COG5: variants seen among roughly 807,000 people sequenced by gnomAD.
COG5 encodes component of oligomeric golgi complex 5.
In COG5, 86 loss-of-function variants were observed where a neutral mutation model predicts 110.4. The ratio of observed to expected loss-of-function variants is 0.78; its 90% CI spans 0.65 to 0.93. COG5 has a LOEUF of 0.93. Among genes scored for constraint, COG5 ranks in the 40% least tolerant of loss-of-function variants. The pLI is 0.00. For synonymous variants in COG5, 360 were observed against 334.6 expected (o/e 1.08, Z -0.83); for missense variants, 1,077 against 987.0 (o/e 1.09, Z -1.22).
At chr7:107,316,632 T>C (rs906423812) in intron 11 of COG5, among the ~76,000 whole-genome samples, 2 of 122,824 alleles carry the variant, frequency 1.6e-5, no homozygotes, top group South Asian at 2.4e-4. Context: ...GCTAACACAG[T>C]GAAACTCAGT....
intron 13 of COG5, among the ~76,000 whole-genome samples, chr7:107,281,747 G>A (rs1220949513): frequency 6.6e-6 from 1 of 152,102 alleles, no homozygotes; most frequent in Non-Finnish European, 1.5e-5. Context: ...ACATCTGCAA[G>A]GAAATGACAG....
At chr7:107,407,541 T>G (rs1285276448) in intron 7 of COG5, among the ~76,000 whole-genome samples, 1 of 150,820 alleles carries the variant, frequency 6.6e-6, no homozygotes, top group Non-Finnish European at 1.5e-5. Context: ...AGTGAGTACA[T>G]CAAAACATAT....
At chr7:107,393,194 G>A (rs1790751090) in intron 7 of COG5, among the ~76,000 whole-genome samples, 1 of 152,138 alleles carries the variant, frequency 6.6e-6, no homozygotes, top group South Asian at 2.1e-4. Context: ...TCAATTCACT[G>A]CTCATCTTGG....
chr7:107,202,552 T>C lies in COG5; in HGVS notation c.*964A>G, dbSNP rs976709928. The C allele has an allele frequency of 1.3e-5, 2 of 152,590 alleles. No homozygotes were observed. Among genetic ancestry groups the C allele is most frequent in the African/African-American group, 4.8e-5 (2 of 41,438 alleles). The allele number at this position is 152,590 out of a possible 1,614,324, so 9.5% of individuals were successfully genotyped here. On this transcript the variant is annotated 3_prime_UTR_variant, in exon 22 of 22. Coordinates refer to ENST00000297135, the MANE Select transcript of COG5 (RefSeq NM_006348.5). ...TGACGTCTACTGATTGATTGATTGA[T>C]TGATTAATCTTGGCTGAATTTTATT...
chr7:107,509,858 T>C (rs968882884), intron 6 of COG5, among the ~76,000 whole-genome samples: 11 of 127,710 alleles, frequency 8.6e-5, no homozygotes, highest in East Asian at 5.7e-4. Flanking sequence ...CTGAGAGATT[T>C]TGTCACCACC....
chr7:107,219,560 G>A (rs776028486), intron 19 of COG5, among the ~76,000 whole-genome samples: 6 of 152,106 alleles, frequency 3.9e-5, no homozygotes, highest in African/African-American at 1.4e-4. Flanking sequence ...AGGACATTAC[G>A]TTAAGCTAAA....
chr7:107,453,014 A>G (rs949532666), intron 6 of COG5, among the ~76,000 whole-genome samples: 1 of 152,192 alleles, frequency 6.6e-6, no homozygotes, highest in African/African-American at 2.4e-5. Flanking sequence ...CACTTACTGT[A>G]TACTATCATA....
intron 15 of COG5, among the ~76,000 whole-genome samples, chr7:107,257,136 C>T (rs1046800259): frequency 5.3e-5 from 8 of 152,050 alleles, no homozygotes; most frequent in African/African-American, 1.9e-4. Flanking sequence ...TGTCTTTAGG[C>T]TGACTCTGAT....
At chr7:107,370,969 T>C (rs1814106069) in intron 8 of COG5, among the ~76,000 whole-genome samples, 2 of 151,934 alleles carry the variant, frequency 1.3e-5, no homozygotes, top group African/African-American at 4.8e-5. Context: ...TACATTAGGA[T>C]TGACAGCACA....
intron 7 of COG5, among the ~76,000 whole-genome samples, chr7:107,407,540 A>G (rs1451272082): frequency 6.6e-6 from 1 of 152,072 alleles, no homozygotes; most frequent in East Asian, 1.9e-4. Flanking sequence ...CAGTGAGTAC[A>G]TCAAAACATA....
intron 6 of COG5, among the ~76,000 whole-genome samples, chr7:107,510,300 A>T (rs1799399950): frequency 6.6e-6 from 1 of 152,290 alleles, no homozygotes; most frequent in Non-Finnish European, 1.5e-5. Flanking sequence ...AGAGACAAAG[A>T]AGGCCATTAC....
In COG5 at chr7:107,391,802, C is replaced by A. The variant is rs184402325; in HGVS notation, c.670-19042G>T. ...CATCCCTGAAAGTCAAATTAATAAA[C>A]CTTATTGGTCAGGTGCGTGTGGCTC... is the stretch of plus-strand genomic sequence containing the variant. On this transcript the variant is annotated intron_variant, in intron 7 of 21. Coordinates refer to ENST00000297135, the MANE Select transcript of COG5 (RefSeq NM_006348.5). 4.4e-3 allele frequency among the ~76,000 whole-genome samples: 669 copies of A among 152,178 alleles called. 3 individuals are homozygous for A. Among genetic ancestry groups the A allele is most frequent in the African/African-American group, 0.015 (639 of 41,530 alleles).
chr7:107,214,837 G>A lies in COG5; in HGVS notation c.2169-3612C>T, dbSNP rs181076879. 1.5e-4 allele frequency among the ~76,000 whole-genome samples: 22 copies of A among 151,468 alleles called. No individual in the cohort carries two copies. The South Asian group carries it at 1.5e-3, about 10-fold the overall frequency. ...CTTAGGAGGCTGAATCATGAGAATC[G>A]CTTGAACGGGGAGGTGGTGGTTGTA... On this transcript the variant is annotated intron_variant, in intron 19 of 21. Transcript: ENST00000297135.
intron 12 of COG5, among the ~76,000 whole-genome samples, chr7:107,293,191 C>T (rs562039512): frequency 1.3e-5 from 2 of 152,204 alleles, no homozygotes; most frequent in South Asian, 4.2e-4. Flanking sequence ...TAATTAGGGC[C>T]CCAGTACTTT....
At chr7:107,469,119 CTT>C (rs1796481345) in intron 6 of COG5, among the ~76,000 whole-genome samples, 1 of 150,394 alleles carries the variant, frequency 6.6e-6, no homozygotes, top group South Asian at 2.1e-4. Flanking sequence ...ATGTATCTAT[CTT>C]ATAATGATTT....
chr7:107,326,939 G>C (rs1420494875), intron 10 of COG5, among the ~76,000 whole-genome samples: 1 of 152,134 alleles, frequency 6.6e-6, no homozygotes, highest in Non-Finnish European at 1.5e-5. Flanking sequence ...CTACTTGGAG[G>C]ATGAGGTGGG....
intron 7 of COG5, among the ~76,000 whole-genome samples, chr7:107,406,965 T>G (rs1791896063): frequency 6.6e-6 from 1 of 152,340 alleles, no homozygotes; most frequent in South Asian, 2.1e-4. Context: ...CTAAACAAAC[T>G]ATGCTAATAT....
intron 1 of COG5, among the ~76,000 whole-genome samples, chr7:107,558,671 G>A (rs1803520465): frequency 6.6e-6 from 1 of 151,498 alleles, no homozygotes; most frequent in African/African-American, 2.4e-5. Flanking sequence ...TGGATCACGA[G>A]GTCAGGAGAT....
At chr7:107,471,097 G>A (rs1796606861) in intron 6 of COG5, among the ~76,000 whole-genome samples, 1 of 151,942 alleles carries the variant, frequency 6.6e-6, no homozygotes, top group Non-Finnish European at 1.5e-5. Context: ...TAAAATGAGA[G>A]CAGAAATTAG....
Sources: allele counts gnomAD v4.1 joint callset (sites outside exome capture counted in the v4.1 genomes callset), GRCh38; gene constraint gnomAD v4.1.1; transcripts MANE v1.5; gene names NCBI Gene and HGNC (gene_info 2026-07-23, HGNC 2026-07-21).